KLHDC1: variants seen among roughly 807,000 people sequenced by gnomAD.
KLHDC1 encodes kelch domain-containing protein 1.
In KLHDC1, 53 loss-of-function variants were observed where a neutral mutation model predicts 68.3. That is an observed-to-expected ratio of 0.78 (90% CI 0.62 to 0.98). KLHDC1 has a LOEUF of 0.98. Among genes scored for constraint, KLHDC1 ranks in the 50% least tolerant of loss-of-function variants. The pLI is 0.00. For missense variants in KLHDC1, 470 were observed against 492.3 expected (o/e 0.95, Z 0.43); for synonymous variants, 148 against 159.0 (o/e 0.93, Z 0.52).
At chr14:49,719,519 C>T (rs1888472052) in intron 4 of KLHDC1, among the ~76,000 whole-genome samples, 1 of 151,858 alleles carries the variant, frequency 6.6e-6, no homozygotes, top group African/African-American at 2.4e-5. Flanking sequence ...ACCTCTTCCT[C>T]CCGGGTTCAA....
At chr14:49,726,432 A>G (rs1888673026) in intron 6 of KLHDC1, among the ~76,000 whole-genome samples, 4 of 152,118 alleles carry the variant, frequency 2.6e-5, no homozygotes, top group Admixed American at 2.0e-4. Flanking sequence ...AAAAAAATGC[A>G]TATTCTTCTC....
intron 1 of KLHDC1, among the ~76,000 whole-genome samples, chr14:49,708,070 C>CT (rs11291588): frequency 9.7e-4 from 100 of 103,102 alleles, no homozygotes; most frequent in African/African-American, 3.0e-3. Context: ...AAAACTCTAG[C>CT]TTTTTTTTTT....
chr14:49,704,911 A>G (rs1028997828), intron 1 of KLHDC1, among the ~76,000 whole-genome samples: 5 of 152,166 alleles, frequency 3.3e-5, no homozygotes, highest in Non-Finnish European at 7.3e-5. Context: ...TGGGAGCGTA[A>G]CAAGATAGAC....
At chr14:49,726,462 T>C (rs868061551) in intron 6 of KLHDC1, among the ~76,000 whole-genome samples, 1 of 152,182 alleles carries the variant, frequency 6.6e-6, no homozygotes, top group Admixed American at 6.5e-5. Context: ...TAAGGTTTTC[T>C]AGAAAAAAGT....
chr14:49,732,479 G>GA (rs1888835156), intron 8 of KLHDC1, among the ~76,000 whole-genome samples: 1 of 152,042 alleles, frequency 6.6e-6, no homozygotes, highest in African/African-American at 2.4e-5. Context: ...GCTGAGAATT[G>GA]ACTTTTATTT....
chr14:49,704,557 C>G (rs1887999017), intron 1 of KLHDC1, among the ~76,000 whole-genome samples: 1 of 151,746 alleles, frequency 6.6e-6, no homozygotes, highest in South Asian at 2.1e-4. Flanking sequence ...CCATGCCCAG[C>G]TAATTTTTTG....
At chr14:49,696,293 T>C (rs773367945) in intron 1 of KLHDC1, among the ~76,000 whole-genome samples, 1 of 151,814 alleles carries the variant, frequency 6.6e-6, no homozygotes, top group Non-Finnish European at 1.5e-5. Context: ...TGCCTCAGCC[T>C]CCTGAGTAGC....
intron 12 of KLHDC1, among the ~76,000 whole-genome samples, chr14:49,745,995 T>A (rs1889190890): frequency 6.6e-6 from 1 of 152,156 alleles, no homozygotes; most frequent in African/African-American, 2.4e-5. Flanking sequence ...GTAAAGAGAC[T>A]ATTACAGTGG....
At chr14:49,750,151 C>T (rs150802814) in intron 12 of KLHDC1, among the ~76,000 whole-genome samples, 4 of 152,298 alleles carry the variant, frequency 2.6e-5, no homozygotes, top group African/African-American at 7.2e-5. Flanking sequence ...CTGCTTGGCT[C>T]GCACTGCCAG....
At chr14:49,711,081 C>G (rs1043634614) in intron 4 of KLHDC1, among the ~76,000 whole-genome samples, 8 of 152,222 alleles carry the variant, frequency 5.3e-5, no homozygotes, top group African/African-American at 1.7e-4. Flanking sequence ...CAACCTCTGC[C>G]TCCCGGGTTC....
rs550655888 is a variant in KLHDC1 at position 49,698,351 on chromosome 14, A to G, written c.96+5061A>G. Among the ~76,000 whole-genome samples, 18 of 151,774 alleles carry G rather than the reference A, an allele frequency of 1.2e-4. No homozygotes were observed. In the South Asian group the frequency reaches 2.9e-3, roughly 25 times the overall value. ...CCCTAGTAGCTGGGAGTATAGGCAC[A>G]CACCACCACGCCCAACTACTTTTTG... On this transcript the variant is annotated intron_variant, in intron 1 of 12. Coordinates refer to ENST00000359332, the MANE Select transcript of KLHDC1 (RefSeq NM_172193.3).
rs147803793 is a variant in KLHDC1, at chr14:49,728,460, T to G, written c.568-466T>G. Among the ~76,000 whole-genome samples the G allele has an allele frequency of 1.4e-4, 21 of 152,330 alleles. No homozygotes were observed. In the East Asian group the frequency reaches 1.9e-3, roughly 14 times the overall value. The stretch of plus-strand genomic sequence containing the variant: ...GTCTGGCTTAAGCCAAGAGTGAACT[T>G]CTTATTGTAAATTTGAGGCACCAAG... On this transcript the variant is annotated intron_variant, in intron 6 of 12. Coordinates refer to ENST00000359332, the MANE Select transcript of KLHDC1 (RefSeq NM_172193.3).
At chr14:49,736,837 T>G (rs892672964) in intron 10 of KLHDC1, among the ~76,000 whole-genome samples, 1 of 152,176 alleles carries the variant, frequency 6.6e-6, no homozygotes, top group Non-Finnish European at 1.5e-5. Flanking sequence ...TAAAAATATC[T>G]CCATATACTG....
At chr14:49,737,006 A>T (rs1481129560) in intron 10 of KLHDC1, among the ~76,000 whole-genome samples, 1 of 152,134 alleles carries the variant, frequency 6.6e-6, no homozygotes, top group Admixed American at 6.6e-5. Context: ...ATCAGCAAGG[A>T]CCCTTTTTTA....
chr14:49,701,128 A>G (rs1223093694), intron 1 of KLHDC1, among the ~76,000 whole-genome samples: 1 of 152,088 alleles, frequency 6.6e-6, no homozygotes, highest in Non-Finnish European at 1.5e-5. Context: ...AGCCAAGCAT[A>G]TAAGGAAAAA....
In KLHDC1 at chr14:49,751,838, C is replaced by G. The variant is rs1017396044; in HGVS notation, c.*66C>G. On this transcript the variant is annotated 3_prime_UTR_variant, in exon 13 of 13. Transcript: ENST00000359332. ...TAATCAGACTATACATTTACACTCC[C>G]AAATTGCAGGCTTTATTTAAAGGAT... The G allele has an allele frequency of 1.8e-5, 13 of 709,488 alleles. No homozygotes were observed. In the African/African-American group the frequency reaches 2.4e-4, roughly 13 times the overall value. 43.9% of individuals were successfully genotyped at this position (709,488 alleles called of 1,614,324 possible). A position where few individuals can be genotyped will look rare whatever the true frequency, so the allele number is the denominator to read the frequency against.
chr14:49,746,655 A>G (rs772172623), intron 12 of KLHDC1, among the ~76,000 whole-genome samples: 7 of 152,178 alleles, frequency 4.6e-5, no homozygotes, highest in Non-Finnish European at 1.0e-4. Context: ...ATCATTTCAC[A>G]TGCAGGTGTT....
intron 10 of KLHDC1, 47 bp from the exon 11 acceptor site, chr14:49,740,051 T>C (rs1251832348): frequency 9.6e-7 from 1 of 1,041,464 alleles, no homozygotes; most frequent in Non-Finnish European, 1.5e-6. Context: ...TAATGTACAG[T>C]TTCTCCCATG....
intron 4 of KLHDC1, 26 bp downstream of exon 4, chr14:49,710,407 ATT>A: frequency 8.7e-7 from 1 of 1,151,152 alleles, no homozygotes; most frequent in Non-Finnish European, 1.3e-6. Context: ...CACTTAATGC[ATT>A]ATGTCTACCT....
Sources: gnomAD v4.1 joint callset for allele counts (sites outside exome capture counted in the v4.1 genomes callset) on GRCh38, gnomAD v4.1.1 for gene constraint, MANE v1.5 for transcripts, NCBI Gene and HGNC (gene_info 2026-07-23, HGNC 2026-07-21) for gene names.